Variants in SP4 observed in about 807,000 individuals in gnomAD.
The protein encoded by SP4 is Sp4 transcription factor.
Under a neutral mutation model 72.8 loss-of-function variants are expected in SP4, and 19 were observed. The ratio of observed to expected loss-of-function variants is 0.26; its 90% CI spans 0.18 to 0.38. The LOEUF is 0.38. Ranked by LOEUF, SP4 falls within the 10% of genes least tolerant of loss-of-function variation. The probability of loss-of-function intolerance (pLI) is 1.00; values close to 1 mark genes in which losing one functional copy is unlikely to be tolerated. For synonymous variants in SP4, 395 were observed against 333.1 expected (o/e 1.19, Z -2.02); for missense variants, 1,008 against 926.3 (o/e 1.09, Z -1.14).
intron 5 of SP4, among the ~76,000 whole-genome samples, chr7:21,487,975 C>T (rs1239093570): frequency 7.2e-5 from 11 of 152,036 alleles, no homozygotes; most frequent in Non-Finnish European, 1.5e-4. Context: ...GTGATCCTCA[C>T]ACCTCAGCCT....
chr7:21,438,153 C>T (rs1311428496), intron 3 of SP4, among the ~76,000 whole-genome samples: 1 of 152,050 alleles, frequency 6.6e-6, no homozygotes, highest in Non-Finnish European at 1.5e-5. Context: ...ATTGGATGTT[C>T]ATCGGTCAAA....
At position 21,477,885 on chromosome 7, in the gene SP4, T is replaced by C. The variant is rs368323605; in HGVS notation, c.1907+578T>C. On this transcript the variant is annotated intron_variant, in intron 4 of 5. Coordinates refer to ENST00000222584, the MANE Select transcript of SP4 (RefSeq NM_003112.5). Reference sequence around the variant, plus strand: ...AAATATTTACGTAACTTTATTGATATAAAACTCATTCGTACACCATACAGT... The same window carrying C: ...AAATATTTACGTAACTTTATTGATACAAAACTCATTCGTACACCATACAGT... Among the ~76,000 whole-genome samples, 15 of 152,316 alleles carry C rather than the reference T, an allele frequency of 9.8e-5. No homozygotes were observed. In the East Asian group the frequency reaches 2.5e-3, roughly 26 times the overall value.
At chr7:21,510,611 T>TC (rs1392529460) in intron 5 of SP4, among the ~76,000 whole-genome samples, 15 of 152,208 alleles carry the variant, frequency 9.9e-5, no homozygotes. Flanking sequence ...ATTTCATGCC[T>TC]CCAAGATTAA....
At chr7:21,451,335 A>C (rs1332031750) in intron 3 of SP4, among the ~76,000 whole-genome samples, 1 of 152,060 alleles carries the variant, frequency 6.6e-6, no homozygotes, top group South Asian at 2.1e-4. Context: ...ACCAATTACT[A>C]TATTAGAGCG....
intron 3 of SP4, among the ~76,000 whole-genome samples, chr7:21,453,187 T>C (rs577221305): frequency 6.6e-6 from 1 of 152,384 alleles, no homozygotes; most frequent in East Asian, 1.9e-4. Flanking sequence ...TTTAGTCTTC[T>C]ATTAGTTCAG....
At chr7:21,468,039 A>G (rs962305012) in intron 3 of SP4, among the ~76,000 whole-genome samples, 2 of 152,136 alleles carry the variant, frequency 1.3e-5, no homozygotes, top group Non-Finnish European at 1.5e-5. Context: ...TCTTACTTAC[A>G]GAGTAATGTT....
intron 5 of SP4, among the ~76,000 whole-genome samples, chr7:21,487,627 C>A (rs963690028): frequency 1.3e-5 from 2 of 151,890 alleles, no homozygotes; most frequent in Non-Finnish European, 2.9e-5. Context: ...GAAATTATCT[C>A]AGTTTTTTAA....
At chr7:21,486,654 A>G (rs1170973996) in intron 5 of SP4, among the ~76,000 whole-genome samples, 1 of 152,176 alleles carries the variant, frequency 6.6e-6, no homozygotes, top group Admixed American at 6.5e-5. Flanking sequence ...TATAAGAGGA[A>G]GTATGTAATG....
At chr7:21,493,666 C>T (rs1018151762) in intron 5 of SP4, among the ~76,000 whole-genome samples, 2 of 151,984 alleles carry the variant, frequency 1.3e-5, no homozygotes, top group African/African-American at 4.8e-5. Flanking sequence ...AGCATGAATG[C>T]TCCTATATCT....
chr7:21,494,439 T>C (rs905015685), intron 5 of SP4, among the ~76,000 whole-genome samples: 1 of 152,234 alleles, frequency 6.6e-6, no homozygotes, highest in African/African-American at 2.4e-5. Context: ...GGTTGCCAGA[T>C]ACAGGATAAA....
At chr7:21,509,684 C>G (rs1269996844) in intron 5 of SP4, among the ~76,000 whole-genome samples, 1 of 151,286 alleles carries the variant, frequency 6.6e-6, no homozygotes. Context: ...AAAGCACACA[C>G]GTAAAGAAAA....
chr7:21,444,202 A>T (rs1783349318), intron 3 of SP4, among the ~76,000 whole-genome samples: 2 of 152,186 alleles, frequency 1.3e-5, no homozygotes, highest in South Asian at 4.1e-4. Context: ...TATGTTCCTT[A>T]GATGATTGAA....
At chr7:21,442,991 C>T (rs1783309309) in intron 3 of SP4, among the ~76,000 whole-genome samples, 2 of 152,202 alleles carry the variant, frequency 1.3e-5, no homozygotes, top group South Asian at 2.1e-4. Flanking sequence ...CCACCTTGGC[C>T]TCCCAAAGTG....
At chr7:21,481,351 G>C (rs978923679) in intron 4 of SP4, among the ~76,000 whole-genome samples, 12 of 152,226 alleles carry the variant, frequency 7.9e-5, no homozygotes, top group Admixed American at 2.0e-4. Context: ...AGGAAGTAGG[G>C]AAGGGGAGAG....
At chr7:21,506,823 C>G (rs1386214134) in intron 5 of SP4, among the ~76,000 whole-genome samples, 1 of 152,202 alleles carries the variant, frequency 6.6e-6, no homozygotes. Flanking sequence ...TATAGGAATG[C>G]AGAAGGAGTT....
intron 4 of SP4, among the ~76,000 whole-genome samples, chr7:21,478,322 C>T (rs1231282028): frequency 2.6e-5 from 4 of 152,150 alleles, no homozygotes; most frequent in Non-Finnish European, 5.9e-5. Context: ...CTGCAGTAAA[C>T]ATTTGTGTAG....
At chr7:21,433,133 CTT>C (rs780058432) in intron 3 of SP4, among the ~76,000 whole-genome samples, 10 of 152,150 alleles carry the variant, frequency 6.6e-5, no homozygotes, top group Non-Finnish European at 1.3e-4. Flanking sequence ...GCAACTACAA[CTT>C]TTTAGTTTTT....
chr7:21,441,024 A>G (rs1191536010), intron 3 of SP4, among the ~76,000 whole-genome samples: 1 of 152,236 alleles, frequency 6.6e-6, no homozygotes, highest in Non-Finnish European at 1.5e-5. Context: ...ATTTACATAC[A>G]TGAAACCATT....
chr7:21,438,521 A>G (rs1328600078), intron 3 of SP4, among the ~76,000 whole-genome samples: 3 of 152,074 alleles, frequency 2.0e-5, no homozygotes, highest in African/African-American at 7.2e-5. Flanking sequence ...CTATTTTTCT[A>G]TGTCGTTTCC....
Sources: gnomAD v4.1 joint callset for allele counts (sites outside exome capture counted in the v4.1 genomes callset) on GRCh38, gnomAD v4.1.1 for gene constraint, MANE v1.5 for transcripts, NCBI Gene and HGNC (gene_info 2026-07-23, HGNC 2026-07-21) for gene names.